PDZRN4: variants seen among roughly 807,000 people sequenced by gnomAD.
PDZRN4 encodes the protein PDZ domain containing ring finger 4, also known as PDZ domain-containing RING finger protein 4.
PDZRN4 carries 70 observed loss-of-function variants against 99.0 expected under a neutral mutation model. The ratio of observed to expected loss-of-function variants is 0.71; its 90% CI spans 0.58 to 0.86. The LOEUF is 0.86. Ranked by LOEUF, PDZRN4 falls within the 40% of genes least tolerant of loss-of-function variation. PDZRN4 has a pLI of 0.00. For synonymous variants in PDZRN4, 551 were observed against 501.6 expected (o/e 1.10, Z -1.32); for missense variants, 1,474 against 1,331.2 (o/e 1.11, Z -1.67).
chr12:41,548,748 C>T (rs987504056), intron 5 of PDZRN4, among the ~76,000 whole-genome samples: 3 of 152,068 alleles, frequency 2.0e-5, no homozygotes, highest in Non-Finnish European at 4.4e-5. Flanking sequence ...ATCTAGAAAG[C>T]ATTTTTTTTC....
intron 3 of PDZRN4, among the ~76,000 whole-genome samples, chr12:41,496,477 A>G (rs1271362456): frequency 6.6e-6 from 1 of 152,112 alleles, no homozygotes; most frequent in Non-Finnish European, 1.5e-5. Flanking sequence ...TCAAAGTCAC[A>G]CAGCTAGTCC....
At chr12:41,504,984 A>G (rs66892773) in intron 3 of PDZRN4, among the ~76,000 whole-genome samples, 7,816 of 152,228 alleles carry the variant, frequency 0.051, 250 homozygotes, top group African/African-American at 0.093. Context: ...GGGTCCACTG[A>G]GTAAATTAGC....
At chr12:41,452,434 G>A (rs1263094068) in intron 3 of PDZRN4, among the ~76,000 whole-genome samples, 8 of 88,080 alleles carry the variant, frequency 9.1e-5, no homozygotes, top group East Asian at 2.9e-4. Flanking sequence ...GTGAGCCTCC[G>A]TCTAAAAAAA....
At position 41,404,663 on chromosome 12, in the gene PDZRN4, T is replaced by G. The variant is rs556005043; in HGVS notation, c.844-101793T>G. 7.0e-4 allele frequency among the ~76,000 whole-genome samples: 106 copies of G among 151,686 alleles called. 3 individuals are homozygous for G. Among genetic ancestry groups the G allele is most frequent in the African/African-American group, 2.0e-3 (83 of 41,338 alleles). On this transcript the variant is annotated intron_variant, in intron 3 of 9. Coordinates refer to ENST00000402685, the MANE Select transcript of PDZRN4 (RefSeq NM_001164595.2). The stretch of plus-strand genomic sequence containing the variant: ...ACAGAACTGGAAAAAAAAACTATTC[T>G]AAAATTCATACCGAACTGAAAAAGA...
chr12:41,240,695 G>C (rs1447054136), intron 3 of PDZRN4, among the ~76,000 whole-genome samples: 58 of 152,172 alleles, frequency 3.8e-4, no homozygotes, highest in Non-Finnish European at 5.9e-5. Context: ...GTGTCTGGTG[G>C]GGATTCACTT....
chr12:41,449,839 T>C (rs1458269984), intron 3 of PDZRN4, among the ~76,000 whole-genome samples: 1 of 152,220 alleles, frequency 6.6e-6, no homozygotes, highest in Non-Finnish European at 1.5e-5. Flanking sequence ...TACTTTAATA[T>C]GTTTGTTTTT....
At chr12:41,404,226 AC>A (rs1221626403) in intron 3 of PDZRN4, among the ~76,000 whole-genome samples, 2 of 152,098 alleles carry the variant, frequency 1.3e-5, no homozygotes, top group Non-Finnish European at 2.9e-5. Flanking sequence ...CAGATGCAAA[AC>A]CCATGGATTC....
chr12:41,320,450 A>G (rs1951668335), intron 3 of PDZRN4, among the ~76,000 whole-genome samples: 1 of 152,194 alleles, frequency 6.6e-6, no homozygotes, highest in African/African-American at 2.4e-5. Context: ...TATCTTAACA[A>G]TTCAAGAAGA....
chr12:41,228,276 A>C (rs1047073533), intron 3 of PDZRN4, among the ~76,000 whole-genome samples: 1 of 152,192 alleles, frequency 6.6e-6, no homozygotes, highest in South Asian at 2.1e-4. Context: ...TTATGTCATC[A>C]TAATTATCTT....
At chr12:41,352,100 T>C (rs989911020) in intron 3 of PDZRN4, among the ~76,000 whole-genome samples, 3 of 152,044 alleles carry the variant, frequency 2.0e-5, no homozygotes, top group African/African-American at 7.2e-5. Context: ...GGGGATGTAT[T>C]GGATTACACC....
At chr12:41,460,142 T>C in intron 3 of PDZRN4, 2 of 1,152,114 alleles carry the variant, frequency 1.7e-6, no homozygotes, top group African/African-American at 1.6e-5. Flanking sequence ...ATGTTTTTAC[T>C]GTTACCTTTT....
intron 3 of PDZRN4, among the ~76,000 whole-genome samples, chr12:41,251,903 C>A (rs1327726781): frequency 1.3e-5 from 2 of 152,024 alleles, no homozygotes; most frequent in African/African-American, 4.8e-5. Context: ...ACAGCTAGAG[C>A]CAGGGGGTTC....
At chr12:41,248,802 A>C (rs1476349287) in intron 3 of PDZRN4, among the ~76,000 whole-genome samples, 1 of 152,158 alleles carries the variant, frequency 6.6e-6, no homozygotes, top group Non-Finnish European at 1.5e-5. Context: ...TTGCATTGTA[A>C]TGTAGCATTT....
intron 3 of PDZRN4, among the ~76,000 whole-genome samples, chr12:41,384,623 T>A (rs1232893564): frequency 6.6e-6 from 1 of 152,182 alleles, no homozygotes; most frequent in Non-Finnish European, 1.5e-5. Flanking sequence ...GAGTATACTA[T>A]AACTGTTGAC....
intron 7 of PDZRN4, among the ~76,000 whole-genome samples, chr12:41,558,810 AAG>A (rs1489325659): frequency 6.6e-6 from 1 of 152,108 alleles, no homozygotes; most frequent in Non-Finnish European, 1.5e-5. Flanking sequence ...ATAGGAAACA[AAG>A]AGTCTTAAGG....
chr12:41,298,296 G>A (rs2120924900), intron 3 of PDZRN4, among the ~76,000 whole-genome samples: 1 of 152,106 alleles, frequency 6.6e-6, no homozygotes, highest in African/African-American at 2.4e-5. Context: ...GATTATTTTT[G>A]CATATTCTCA....
At chr12:41,427,643 A>G (rs756987670) in intron 3 of PDZRN4, among the ~76,000 whole-genome samples, 2 of 152,242 alleles carry the variant, frequency 1.3e-5, no homozygotes, top group Non-Finnish European at 2.9e-5. Flanking sequence ...ACAGAAATTA[A>G]TGGATATTAA....
chr12:41,229,266 A>G (rs557688832), intron 3 of PDZRN4, among the ~76,000 whole-genome samples: 24 of 151,954 alleles, frequency 1.6e-4, no homozygotes, highest in African/African-American at 5.8e-4. Context: ...GATGCTCACT[A>G]TGGCACACCC....
intron 3 of PDZRN4, among the ~76,000 whole-genome samples, chr12:41,209,442 C>A (rs1458443060): frequency 6.6e-6 from 1 of 151,598 alleles, no homozygotes; most frequent in Non-Finnish European, 1.5e-5. Flanking sequence ...GTGTGCTGCA[C>A]CCATTAACTC....
Sources: gnomAD v4.1 joint callset for allele counts (sites outside exome capture counted in the v4.1 genomes callset) on GRCh38, gnomAD v4.1.1 for gene constraint, MANE v1.5 for transcripts, NCBI Gene and HGNC (gene_info 2026-07-23, HGNC 2026-07-21) for gene names.